ZNF131: variants seen among roughly 807,000 people sequenced by gnomAD.
ZNF131 encodes the protein zinc finger protein 131.
ZNF131 carries 7 observed loss-of-function variants against 60.0 expected under a neutral mutation model. The observed-to-expected ratio is 0.12, with a 90% CI of 0.07 to 0.22. The LOEUF is 0.22. Ranked by LOEUF, ZNF131 falls within the 10% of genes least tolerant of loss-of-function variation. The pLI, the probability that ZNF131 is intolerant of heterozygous loss-of-function variation, is 1.00. For missense variants in ZNF131, 493 were observed against 740.9 expected, an observed-to-expected ratio of 0.67 and a Z score of 3.88; for synonymous variants, 257 against 253.2, an observed-to-expected ratio of 1.01 and a Z score of -0.14.
Position 43,163,221 on chromosome 5 carries a change from G to A in ZNF131, c.1054+1290G>A, listed in dbSNP as rs1345750509. 4.6e-5 allele frequency among the ~76,000 whole-genome samples: 7 copies of A among 151,950 alleles called. No individual in the cohort carries two copies. The Middle Eastern group carries it at 0.01, about 222-fold the overall frequency. On this transcript the variant is annotated intron_variant, in intron 5 of 6. Transcript: ENST00000682664. The stretch of plus-strand genomic sequence containing the variant: ...TCTCAAACTCCTGACCTCGTGATCC[G>A]CTAGCCTCGGCCTCCCAAAGTGCTG...
chr5:43,133,231 C>A (rs142573919), intron 3 of ZNF131, among the ~76,000 whole-genome samples: 3 of 151,980 alleles, frequency 2.0e-5, no homozygotes, highest in African/African-American at 7.3e-5. Flanking sequence ...TTTGGGAGGC[C>A]GAGGTGGACG....
chr5:43,134,693 C>CTTTT (rs149464238), intron 3 of ZNF131, among the ~76,000 whole-genome samples: 1,845 of 88,290 alleles, frequency 0.021, 25 homozygotes, highest in Non-Finnish European at 0.024. Flanking sequence ...TTCTTTTTTT[C>CTTTT]TTTTTTTTTT....
At chr5:43,168,934 A>T (rs1221655253) in intron 5 of ZNF131, among the ~76,000 whole-genome samples, 1 of 152,210 alleles carries the variant, frequency 6.6e-6, no homozygotes, top group Admixed American at 6.5e-5. Flanking sequence ...ACTTAGAAAA[A>T]AATACGTAGA....
intron 3 of ZNF131, among the ~76,000 whole-genome samples, chr5:43,132,505 CTTTTTT>C (rs4050538): frequency 2.1e-5 from 2 of 93,494 alleles, no homozygotes; most frequent in Non-Finnish European, 4.1e-5. Flanking sequence ...GAATGGTATT[CTTTTTT>C]TTTTTTTTTT....
chr5:43,150,217 G>T (rs373596739), intron 4 of ZNF131, among the ~76,000 whole-genome samples: 6 of 152,254 alleles, frequency 3.9e-5, no homozygotes, highest in African/African-American at 1.4e-4. Flanking sequence ...TTGCTGTAGA[G>T]GAAACATTAT....
At chr5:43,144,210 C>A (rs182840009) in intron 4 of ZNF131, among the ~76,000 whole-genome samples, 1 of 146,434 alleles carries the variant, frequency 6.8e-6, no homozygotes, top group African/African-American at 2.5e-5. Flanking sequence ...GCGTGAGCCA[C>A]GGCGCCTGGC....
At chr5:43,164,990 G>A (rs920890898) in intron 5 of ZNF131, among the ~76,000 whole-genome samples, 2 of 152,016 alleles carry the variant, frequency 1.3e-5, no homozygotes, top group Non-Finnish European at 2.9e-5. Context: ...TTGCTGTGTT[G>A]CCCAGGCTGG....
Position 43,174,717 on chromosome 5 carries a change from G to T in ZNF131, c.1456G>T (p.Val486Phe). ...GGTGCATGTGCTACCATTGCTTCAGGTTCAGGTGGATTCAGCACAAGTGAC... is the reference window on the plus strand; with the variant it reads ...GGTGCATGTGCTACCATTGCTTCAGTTTCAGGTGGATTCAGCACAAGTGAC... ...GKVHVLPLLQ[V>F]QVDSAQVTVE... The change falls in exon 7 of 7, where the codon GTT becomes TTT. Residue 486 changes from valine to phenylalanine, a missense_variant. By Grantham distance (50) the Val-to-Phe change is conservative. Transcript: ENST00000682664. The T allele has an allele frequency of 6.2e-7, 1 of 1,614,174 alleles. No homozygotes were observed. Among genetic ancestry groups the T allele is most frequent in the Non-Finnish European group, 8.5e-7 (1 of 1,180,044 alleles).
intron 3 of ZNF131, among the ~76,000 whole-genome samples, chr5:43,130,657 C>T (rs892363491): frequency 4.6e-5 from 7 of 151,846 alleles, no homozygotes; most frequent in Non-Finnish European, 8.8e-5. Context: ...CTCCGCCTCC[C>T]GGGTTCAAGC....
At chr5:43,140,551 C>T (rs1312869758) in intron 4 of ZNF131, among the ~76,000 whole-genome samples, 1 of 152,184 alleles carries the variant, frequency 6.6e-6, no homozygotes, top group Non-Finnish European at 1.5e-5. Flanking sequence ...GAACTATTAT[C>T]TCCTGGTACT....
At position 43,122,030 on chromosome 5, in the gene ZNF131, C is replaced by G; in HGVS notation, c.-15-9C>G. ...CATGGGTGTACATTATCATGCTCTT[C>G]TTTTGTAGAGCAGCCCGACGGCCAT... is the stretch of plus-strand genomic sequence containing the variant. On this transcript the variant is annotated splice_polypyrimidine_tract_variant and intron_variant, in intron 1 of 6. Transcript: ENST00000682664. 1 of 1,613,156 alleles carries G rather than the reference C, an allele frequency of 6.2e-7. No homozygotes were observed. Among genetic ancestry groups the G allele is most frequent in the Non-Finnish European group, 8.5e-7 (1 of 1,179,690 alleles).
intron 3 of ZNF131, among the ~76,000 whole-genome samples, chr5:43,134,685 CTTTTTTTCTTTTTTTTTTTTTTTTT>C (rs1357025715): frequency 3.3e-4 from 32 of 98,320 alleles, no homozygotes; most frequent in African/African-American, 1.2e-3. Flanking sequence ...AGTTGCTTTT[CTTTTTTTCTTTTTTTTTTTTTTTTT>C]TTTTTGGGAG....
At chr5:43,127,641 C>G (rs1744719581) in intron 3 of ZNF131, among the ~76,000 whole-genome samples, 2 of 152,038 alleles carry the variant, frequency 1.3e-5, no homozygotes, top group Admixed American at 1.3e-4. Flanking sequence ...GCAAGCTGAG[C>G]TCACCCTCCA....
intron 4 of ZNF131, among the ~76,000 whole-genome samples, chr5:43,152,321 A>G (rs1404838555): frequency 6.6e-6 from 1 of 151,962 alleles, no homozygotes; most frequent in Non-Finnish European, 1.5e-5. Flanking sequence ...CCTATTTATC[A>G]CAAGCTCCTG....
intron 4 of ZNF131, among the ~76,000 whole-genome samples, chr5:43,140,007 G>C (rs1360849542): frequency 6.6e-6 from 1 of 152,120 alleles, no homozygotes; most frequent in Non-Finnish European, 1.5e-5. Flanking sequence ...CTTATGCCCA[G>C]GAGTTCACAA....
At chr5:43,121,845 C>G in intron 1 of ZNF131, 194 bp from the exon 2 acceptor site, 1 of 479,888 alleles carries the variant, frequency 2.1e-6, no homozygotes, top group Non-Finnish European at 3.5e-6. Flanking sequence ...CTCGGAGTCC[C>G]GCGGCCGCGG....
At chr5:43,151,636 T>C (rs1265017719) in intron 4 of ZNF131, among the ~76,000 whole-genome samples, 2 of 152,030 alleles carry the variant, frequency 1.3e-5, no homozygotes, top group Non-Finnish European at 2.9e-5. Context: ...GGTTTCTCCA[T>C]GTTGGCCAGA....
chr5:43,159,187 A>G (rs1028841573), intron 4 of ZNF131, among the ~76,000 whole-genome samples: 1 of 152,136 alleles, frequency 6.6e-6, no homozygotes, highest in Non-Finnish European at 1.5e-5. Context: ...AAACCTGCCT[A>G]ACGTTTTTTC....
chr5:43,134,084 A>G (rs756867573), intron 3 of ZNF131, among the ~76,000 whole-genome samples: 8 of 152,322 alleles, frequency 5.3e-5, no homozygotes, highest in Non-Finnish European at 8.8e-5. Flanking sequence ...AAAGAAAACT[A>G]TAGCCCAATA....
Sources: allele counts gnomAD v4.1 joint callset (sites outside exome capture counted in the v4.1 genomes callset), GRCh38; gene constraint gnomAD v4.1.1; transcripts MANE v1.5; gene names NCBI Gene and HGNC (gene_info 2026-07-23, HGNC 2026-07-21).